The following PTPRM variants were observed in gnomAD, a reference collection of about 807,000 sequenced individuals.
The protein encoded by PTPRM is protein tyrosine phosphatase receptor type M, also known as receptor-type tyrosine-protein phosphatase mu.
Under a neutral mutation model 186.7 loss-of-function variants are expected in PTPRM, and 47 were observed. That is an observed-to-expected ratio of 0.25 (90% CI 0.20 to 0.32). The LOEUF (loss-of-function observed/expected upper bound fraction) is 0.32. Ranked by LOEUF, PTPRM falls within the 10% of genes least tolerant of loss-of-function variation. The pLI is 1.00. For synonymous variants in PTPRM, 668 were observed against 674.9 expected (o/e 0.99, Z 0.16); for missense variants, 1,494 against 1,865.0 (o/e 0.80, Z 3.66).
chr18:7,624,945 TATCAGCTGCTGCTGCTGAGTAACCAGGC>T (rs2144015166), intron 1 of PTPRM, among the ~76,000 whole-genome samples: 1 of 152,342 alleles, frequency 6.6e-6, no homozygotes, highest in Admixed American at 6.5e-5. Flanking sequence ...CTAATGTGTG[TATCAGCTGCTGCTGCTGAGTAACCAGGC>T]ACATTCCCTC....
intron 1 of PTPRM, among the ~76,000 whole-genome samples, chr18:7,664,066 G>T (rs935166226): frequency 6.6e-6 from 1 of 151,986 alleles, no homozygotes; most frequent in Non-Finnish European, 1.5e-5. Context: ...AAAGGGTAAG[G>T]GCTTACTCAT....
chr18:8,094,460 C>T (rs1436621164), intron 11 of PTPRM, among the ~76,000 whole-genome samples: 2 of 151,934 alleles, frequency 1.3e-5, no homozygotes, highest in Admixed American at 6.6e-5. Context: ...GGGCTAGACA[C>T]GGTGGTTCAA....
intron 23 of PTPRM, among the ~76,000 whole-genome samples, chr18:8,344,344 C>T (rs894377102): frequency 6.6e-5 from 10 of 151,268 alleles, no homozygotes; most frequent in Non-Finnish European, 1.3e-4. Flanking sequence ...AGAAGAAAGA[C>T]ATCACAATTC....
chr18:7,824,011 C>A (rs1295516281), intron 2 of PTPRM, among the ~76,000 whole-genome samples: 8 of 152,186 alleles, frequency 5.3e-5, no homozygotes, highest in African/African-American at 1.9e-4. Context: ...CTTGCACTGG[C>A]TGTACAAGAG....
chr18:8,275,803 C>T (rs2094827516), intron 19 of PTPRM, among the ~76,000 whole-genome samples: 1 of 152,136 alleles, frequency 6.6e-6, no homozygotes, highest in African/African-American at 2.4e-5. Flanking sequence ...TGGATCACTG[C>T]CAGTGTCTCT....
chr18:7,855,985 CT>C (rs2047075408), intron 2 of PTPRM, among the ~76,000 whole-genome samples: 1 of 152,138 alleles, frequency 6.6e-6, no homozygotes, highest in Non-Finnish European at 1.5e-5. Context: ...TTCTCAGCTT[CT>C]GGAAAATGGG....
chr18:7,989,153 G>A lies in PTPRM; in HGVS notation c.1132+33739G>A, dbSNP rs2083127521. 2.0e-5 allele frequency among the ~76,000 whole-genome samples: 3 copies of A among 151,566 alleles called. No homozygotes were observed. The South Asian group carries it at 6.3e-4, about 32-fold the overall frequency. ...TATTACATTTATCCTAATTACCACTGACACAAACCTGAGAGAGCAGCAATG... is the reference window on the plus strand; with the variant it reads ...TATTACATTTATCCTAATTACCACTAACACAAACCTGAGAGAGCAGCAATG... On this transcript the variant is annotated intron_variant, in intron 7 of 32. Coordinates refer to ENST00000580170, the MANE Select transcript of PTPRM (RefSeq NM_001105244.2).
intron 13 of PTPRM, among the ~76,000 whole-genome samples, chr18:8,139,049 A>G (rs2092704092): frequency 6.6e-6 from 1 of 151,948 alleles, no homozygotes; most frequent in African/African-American, 2.4e-5. Flanking sequence ...TGACAACCTC[A>G]AATTTATCTT....
intron 1 of PTPRM, among the ~76,000 whole-genome samples, chr18:7,643,169 A>G (rs1029937024): frequency 1.3e-5 from 2 of 152,050 alleles, no homozygotes; most frequent in African/African-American, 4.8e-5. Context: ...ATGTCCTCCC[A>G]TGGGTATTGG....
At chr18:7,851,151 A>C (rs1028779562) in intron 2 of PTPRM, among the ~76,000 whole-genome samples, 1 of 152,198 alleles carries the variant, frequency 6.6e-6, no homozygotes, top group Non-Finnish European at 1.5e-5. Flanking sequence ...TACAGAAAAA[A>C]GTATTTAACT....
At chr18:7,634,745 T>C (rs1478585503) in intron 1 of PTPRM, among the ~76,000 whole-genome samples, 4 of 152,226 alleles carry the variant, frequency 2.6e-5, no homozygotes, top group Non-Finnish European at 4.4e-5. Flanking sequence ...TCCCTAGTTA[T>C]CACCTTTTAC....
intron 17 of PTPRM, among the ~76,000 whole-genome samples, chr18:8,250,374 A>G (rs1391441870): frequency 1.3e-5 from 2 of 152,152 alleles, no homozygotes; most frequent in Non-Finnish European, 2.9e-5. Flanking sequence ...GATAATTCAT[A>G]AAGAATATAA....
intron 14 of PTPRM, among the ~76,000 whole-genome samples, chr18:8,218,244 T>C (rs1193367568): frequency 1.3e-5 from 2 of 152,210 alleles, no homozygotes; most frequent in East Asian, 3.8e-4. Flanking sequence ...GAATATTAAT[T>C]ACGCTTTTAA....
intron 1 of PTPRM, among the ~76,000 whole-genome samples, chr18:7,743,474 TGAAATACTGAAG>T (rs1464946630): frequency 4.5e-4 from 69 of 152,290 alleles, no homozygotes; most frequent in African/African-American, 1.6e-3. Context: ...GCAATTATTG[TGAAATACTGAAG>T]TGGTGGAAGT....
chr18:7,917,099 T>G (rs1020517475), intron 4 of PTPRM, among the ~76,000 whole-genome samples: 2 of 152,224 alleles, frequency 1.3e-5, no homozygotes, highest in South Asian at 4.1e-4. Context: ...ACATCCATGC[T>G]GCAGCAAATG....
chr18:7,841,290 T>C (rs1276113246), intron 2 of PTPRM, among the ~76,000 whole-genome samples: 3 of 132,178 alleles, frequency 2.3e-5, no homozygotes, highest in Non-Finnish European at 4.8e-5. Flanking sequence ...TCTTTTTTTT[T>C]TTTTTTTTTT....
At chr18:8,164,128 ATGT>A (rs1192932637) in intron 14 of PTPRM, among the ~76,000 whole-genome samples, 1 of 152,218 alleles carries the variant, frequency 6.6e-6, no homozygotes, top group Non-Finnish European at 1.5e-5. Context: ...AGATTCTAAA[ATGT>A]TGTTTAGTAT....
At chr18:7,722,227 T>C (rs1434413366) in intron 1 of PTPRM, among the ~76,000 whole-genome samples, 2 of 152,228 alleles carry the variant, frequency 1.3e-5, no homozygotes, top group Non-Finnish European at 2.9e-5. Context: ...TTTTCCAGAA[T>C]GTCATATTGT....
At chr18:8,272,807 G>A (rs1470589238) in intron 19 of PTPRM, among the ~76,000 whole-genome samples, 1 of 152,012 alleles carries the variant, frequency 6.6e-6, no homozygotes, top group African/African-American at 2.4e-5. Flanking sequence ...CACATTTTCT[G>A]TATACTTAAT....
Sources: gnomAD v4.1 joint callset for allele counts (sites outside exome capture counted in the v4.1 genomes callset) on GRCh38, gnomAD v4.1.1 for gene constraint, MANE v1.5 for transcripts, NCBI Gene and HGNC (gene_info 2026-07-23, HGNC 2026-07-21) for gene names.